SLC18B1: variants seen among roughly 807,000 people sequenced by gnomAD.
The protein encoded by SLC18B1 is solute carrier family 18 member B1, also known as MFS-type transporter SLC18B1.
Under a neutral mutation model 53.9 loss-of-function variants are expected in SLC18B1, and 62 were observed. The observed-to-expected ratio is 1.15, with a 90% CI of 0.94 to 1.42. The LOEUF (loss-of-function observed/expected upper bound fraction) is 1.42, where lower values mean the gene tolerates loss of function less well. SLC18B1 is among the 40% of genes most tolerant of loss of function. The pLI is 0.00. For missense variants in SLC18B1, 598 were observed against 547.3 expected (o/e 1.09, Z -0.93); for synonymous variants, 217 against 200.9 (o/e 1.08, Z -0.68).
At position 132,773,070 on chromosome 6, in the gene SLC18B1, C is replaced by T. The variant is rs749935470; in HGVS notation, c.1008G>A (p.Val336=). Residue 336 remains valine (V), a synonymous_variant, in exon 10 of 14, where the codon GTG becomes GTA. Transcript: ENST00000275227. ...LHIKSQLWLL[V]LILVVSGLSA... ...AGAGGCCACTTACAACTAATATCAGCACCAGCAGCCAGAGCTGACTGCAAA... is the reference window on the plus strand; with the variant it reads ...AGAGGCCACTTACAACTAATATCAGTACCAGCAGCCAGAGCTGACTGCAAA... The T allele has an allele frequency of 1.1e-5, 17 of 1,613,640 alleles. No homozygotes were observed. In the Admixed American group the frequency reaches 1.8e-4, roughly 17 times the overall value.
In SLC18B1 at chr6:132,792,337, AAGGAAGGAAGGAAGGAAGGG is replaced by A. The variant is rs773687121; in HGVS notation, c.184-2085_184-2066del. Among the ~76,000 whole-genome samples the A allele has an allele frequency of 8.6e-4, 95 of 110,564 alleles. 3 individuals carry two copies. The highest frequency in any genetic ancestry group is 1.1e-3 in the Non-Finnish European group (64 of 58,050). 72.5% of individuals were successfully genotyped at this position (110,564 alleles called of 152,430 possible). The stretch of plus-strand genomic sequence containing the variant: ...GAAGGAAGGAAGGAAGGAAGGAAGG[AAGGAAGGAAGGAAGGAAGGG>A]AAAGAAAGAAAAGAAGGAAAGAAAG... On this transcript the variant is annotated intron_variant, in intron 2 of 13. Coordinates refer to ENST00000275227, the MANE Select transcript of SLC18B1 (RefSeq NM_052831.3).
chr6:132,775,639 T>C (rs1219620881), intron 8 of SLC18B1, among the ~76,000 whole-genome samples: 2 of 152,246 alleles, frequency 1.3e-5, no homozygotes, highest in South Asian at 2.1e-4. Context: ...ACTCTGATCA[T>C]CTGGACTGAA....
intron 5 of SLC18B1, among the ~76,000 whole-genome samples, chr6:132,786,377 C>T (rs1449262799): frequency 6.6e-6 from 1 of 150,974 alleles, no homozygotes; most frequent in Non-Finnish European, 1.5e-5. Context: ...AACCCCGTCT[C>T]TACTAAAAAT....
At chr6:132,794,155 G>A (rs932214591) in intron 2 of SLC18B1, among the ~76,000 whole-genome samples, 2 of 148,762 alleles carry the variant, frequency 1.3e-5, no homozygotes, top group African/African-American at 5.0e-5. Context: ...CCAGGCTAGA[G>A]TGCAGTGGGG....
chr6:132,784,868 C>A (rs1781329187), intron 5 of SLC18B1, among the ~76,000 whole-genome samples: 1 of 152,062 alleles, frequency 6.6e-6, no homozygotes, highest in East Asian at 1.9e-4. Context: ...CAGTGAAATA[C>A]TATACAGACA....
At position 132,798,515 on chromosome 6, in the gene SLC18B1, G is replaced by A; in HGVS notation, c.-59C>T. On this transcript the variant is annotated 5_prime_UTR_variant, in exon 1 of 14. Coordinates refer to ENST00000275227, the MANE Select transcript of SLC18B1 (RefSeq NM_052831.3). ...GGCTTCAAGCCACGTCCTTGGACTC[G>A]ACCTCCAAGGAGCCACTGGCACTCT... 7.2e-7 allele frequency: 1 copy of A among 1,398,204 alleles called. No homozygotes were observed. Among genetic ancestry groups the A allele is most frequent in the South Asian group, 1.5e-5 (1 of 65,972 alleles). The allele number at this position is 1,398,204 out of a possible 1,614,324, so 86.6% of individuals were successfully genotyped here.
rs1245604810 is a variant in SLC18B1, at chr6:132,798,459, C to G, written c.-3G>C. On this transcript the variant is annotated 5_prime_UTR_variant, in exon 1 of 14. Coordinates refer to ENST00000275227, the MANE Select transcript of SLC18B1 (RefSeq NM_052831.3). The stretch of plus-strand genomic sequence containing the variant: ...TCCAGGTCACCCAGCGCCTCCATCC[C>G]CGGTGCGTGGACTCCGGCGCCCCAG... 2.0e-6 allele frequency: 3 copies of G among 1,519,466 alleles called. No homozygotes were observed. The highest frequency in any genetic ancestry group is 2.7e-6 in the Non-Finnish European group (3 of 1,129,750). The allele number at this position is 1,519,466 out of a possible 1,614,324, so 94.1% of individuals were successfully genotyped here.
chr6:132,775,059 T>A (rs1016393687), intron 8 of SLC18B1, among the ~76,000 whole-genome samples: 3 of 152,228 alleles, frequency 2.0e-5, no homozygotes, highest in African/African-American at 7.2e-5. Flanking sequence ...CCCAATGTGA[T>A]GGTATCTGGA....
In SLC18B1 at chr6:132,785,897, C is replaced by CAAAAAAAAAAAAA. The variant is rs71545048; in HGVS notation, c.501+1524_501+1536dup. Among the ~76,000 whole-genome samples the CAAAAAAAAAAAAA allele has an allele frequency of 3.1e-3, 248 of 81,062 alleles. 8 individuals are homozygous for CAAAAAAAAAAAAA. The highest frequency in any genetic ancestry group is 5.1e-3 in the East Asian group (12 of 2,364). The allele number at this position is 81,062 out of a possible 152,430, so 53.2% of individuals were successfully genotyped here. On this transcript the variant is annotated intron_variant, in intron 5 of 13. Coordinates refer to ENST00000275227, the MANE Select transcript of SLC18B1 (RefSeq NM_052831.3). The stretch of plus-strand genomic sequence containing the variant: ...GCAACTCAGCAAGACCCTGTCTCTA[C>CAAAAAAAAAAAAA]AAAAAAAAAAAAAAAAAAAGAAAGA...
intron 2 of SLC18B1, among the ~76,000 whole-genome samples, chr6:132,794,311 C>A (rs1781619138): frequency 6.6e-6 from 1 of 151,816 alleles, no homozygotes; most frequent in Non-Finnish European, 1.5e-5. Flanking sequence ...ACCATGTTGG[C>A]CAGGCTGGTC....
intron 5 of SLC18B1, among the ~76,000 whole-genome samples, chr6:132,785,042 T>TA (rs57970706): frequency 9.0e-4 from 120 of 133,408 alleles, no homozygotes; most frequent in South Asian, 4.3e-3. Flanking sequence ...CCTGTCCAGT[T>TA]AAAAAAAAAA....
chr6:132,782,200 A>G (rs1781255926), intron 6 of SLC18B1, among the ~76,000 whole-genome samples: 1 of 152,008 alleles, frequency 6.6e-6, no homozygotes, highest in Non-Finnish European at 1.5e-5. Context: ...AAAAAAAAAA[A>G]AAAAATTCTA....
At position 132,772,215 on chromosome 6, in the gene SLC18B1, A is replaced by G; in HGVS notation, c.1086-9T>C. 6.5e-7 allele frequency: 1 copy of G among 1,540,540 alleles called. No homozygotes were observed. The highest frequency in any genetic ancestry group is 8.7e-7 in the Non-Finnish European group (1 of 1,147,340). ...CTTCAAACCCATTTTCACTGCAAAAAGAGACATGAGTGTATCCATTATTAA... is the reference window on the plus strand; with the variant it reads ...CTTCAAACCCATTTTCACTGCAAAAGGAGACATGAGTGTATCCATTATTAA... On this transcript the variant is annotated splice_polypyrimidine_tract_variant and intron_variant, in intron 10 of 13. Coordinates refer to ENST00000275227, the MANE Select transcript of SLC18B1 (RefSeq NM_052831.3).
At chr6:132,777,508 T>G (rs1781128760) in intron 7 of SLC18B1, among the ~76,000 whole-genome samples, 1 of 152,132 alleles carries the variant, frequency 6.6e-6, no homozygotes, top group South Asian at 2.1e-4. Context: ...GGTCAGGAGA[T>G]CGAGACCATC....
At chr6:132,785,815 C>A (rs895516370) in intron 5 of SLC18B1, among the ~76,000 whole-genome samples, 1 of 145,880 alleles carries the variant, frequency 6.9e-6, no homozygotes, top group African/African-American at 2.6e-5. Flanking sequence ...ATCCCAGCCA[C>A]CTTGGAAGGC....
intron 9 of SLC18B1, 128 bp from the exon 10 acceptor site, chr6:132,773,216 A>C: frequency 2.3e-6 from 1 of 442,322 alleles, no homozygotes; most frequent in Non-Finnish European, 4.1e-6. Flanking sequence ...GCCTAGTCTC[A>C]TTCCCTTTCC....
chr6:132,775,311 G>A (rs933466101), intron 8 of SLC18B1, among the ~76,000 whole-genome samples: 3 of 152,172 alleles, frequency 2.0e-5, no homozygotes, highest in African/African-American at 7.2e-5. Flanking sequence ...TGTTTATAAA[G>A]CCTCTCAGTT....
At chr6:132,785,945 GA>G (rs1290376722) in intron 5 of SLC18B1, among the ~76,000 whole-genome samples, 4 of 132,508 alleles carry the variant, frequency 3.0e-5, no homozygotes, top group East Asian at 4.3e-4. Context: ...AGAAAAGAAA[GA>G]AAAAAAATGG....
intron 6 of SLC18B1, among the ~76,000 whole-genome samples, chr6:132,780,177 CA>C (rs1396679241): frequency 6.6e-6 from 1 of 151,728 alleles, no homozygotes; most frequent in Non-Finnish European, 1.5e-5. Context: ...CAGTTTACTG[CA>C]GCCTCCAACT....
Sources: allele counts gnomAD v4.1 joint callset (sites outside exome capture counted in the v4.1 genomes callset), GRCh38; gene constraint gnomAD v4.1.1; transcripts MANE v1.5; gene names NCBI Gene and HGNC (gene_info 2026-07-23, HGNC 2026-07-21).